The following HDAC9 variants were observed in gnomAD, a reference collection of about 807,000 sequenced individuals.
The protein encoded by HDAC9 is MEF-2 interacting transcription repressor (MITR) protein.
A neutral mutation model predicts 139.4 loss-of-function variants in HDAC9; 41 were observed. The observed-to-expected ratio is 0.29, with a 90% CI of 0.23 to 0.38. The LOEUF (loss-of-function observed/expected upper bound fraction) is 0.38. Among genes scored for constraint, HDAC9 ranks in the 10% least tolerant of loss-of-function variants. The pLI, the probability that HDAC9 is intolerant of heterozygous loss-of-function variation, is 1.00. For missense variants in HDAC9, 1,147 were observed against 1,297.0 expected (o/e 0.88, Z 1.78); for synonymous variants, 517 against 476.2 (o/e 1.09, Z -1.12).
chr7:18,306,046 C>T (rs1798886530), intron 1 of HDAC9, among the ~76,000 whole-genome samples: 1 of 152,116 alleles, frequency 6.6e-6, no homozygotes, highest in African/African-American at 2.4e-5. Flanking sequence ...GAGGAGATCC[C>T]AGGAAACTCC....
At chr7:18,121,887 A>G (rs1034574916) in intron 1 of HDAC9, among the ~76,000 whole-genome samples, 1 of 152,222 alleles carries the variant, frequency 6.6e-6, no homozygotes, top group Non-Finnish European at 1.5e-5. Context: ...AACAGTTTAC[A>G]AAGAAGAGAT....
chr7:18,497,115 C>T (rs1277753609), intron 2 of HDAC9, among the ~76,000 whole-genome samples: 1 of 152,126 alleles, frequency 6.6e-6, no homozygotes, highest in Non-Finnish European at 1.5e-5. Context: ...ACATACTCTC[C>T]AGGCAGTATC....
At chr7:18,352,608 C>A (rs978450836) in intron 1 of HDAC9, among the ~76,000 whole-genome samples, 9 of 152,028 alleles carry the variant, frequency 5.9e-5, no homozygotes, top group Non-Finnish European at 1.0e-4. Context: ...GTGAGTCATT[C>A]CCCGTTTTAA....
chr7:18,166,097 A>G (rs933750312), intron 2 of HDAC9, among the ~76,000 whole-genome samples: 5 of 152,192 alleles, frequency 3.3e-5, no homozygotes. Flanking sequence ...TTTAAATTTG[A>G]TGAATCTATT....
At chr7:18,966,105 T>C (rs1020522287) in intron 24 of HDAC9, among the ~76,000 whole-genome samples, 3 of 152,222 alleles carry the variant, frequency 2.0e-5, no homozygotes, top group Non-Finnish European at 2.9e-5. Flanking sequence ...CTTCTATCAT[T>C]GTTTCCTCTG....
At chr7:18,594,715 T>C (rs1360181182) in intron 6 of HDAC9, among the ~76,000 whole-genome samples, 2 of 152,116 alleles carry the variant, frequency 1.3e-5, no homozygotes, top group Non-Finnish European at 2.9e-5. Flanking sequence ...ATTTAATGTC[T>C]TATATGCTTT....
At chr7:18,271,441 T>A (rs1162195731) in intron 2 of HDAC9, among the ~76,000 whole-genome samples, 4 of 152,178 alleles carry the variant, frequency 2.6e-5, no homozygotes, top group Non-Finnish European at 5.9e-5. Context: ...CACCATGGTG[T>A]TGGACTGAAC....
intron 2 of HDAC9, among the ~76,000 whole-genome samples, chr7:18,526,135 T>A (rs2128225682): frequency 6.6e-6 from 1 of 152,314 alleles, no homozygotes; most frequent in South Asian, 2.1e-4. Context: ...TTGAAATAAT[T>A]TAATAAGTCT....
rs545619489 is a variant in HDAC9 at position 18,226,890 on chromosome 7, G to A, written c.25+64541G>A. Among the ~76,000 whole-genome samples the A allele has an allele frequency of 4.6e-5, 7 of 152,314 alleles. No individual in the cohort carries two copies. The East Asian group carries it at 1.4e-3, about 29-fold the overall frequency. On this transcript the variant is annotated intron_variant, in intron 2 of 12. Transcript: ENST00000417496. ...AAAGGGCAACAGAAACATTTGAAGG[G>A]TTTCAAATAGAGCGATGACAGAATC...
chr7:18,226,277 A>G (rs930776281), intron 2 of HDAC9, among the ~76,000 whole-genome samples: 1 of 152,154 alleles, frequency 6.6e-6, no homozygotes, highest in African/African-American at 2.4e-5. Context: ...TAAACCCCAG[A>G]ATCAGAGAGA....
intron 1 of HDAC9, among the ~76,000 whole-genome samples, chr7:18,103,572 A>G (rs1306964167): frequency 6.6e-6 from 1 of 152,078 alleles, no homozygotes; most frequent in Non-Finnish European, 1.5e-5. Context: ...AACAGCTTGG[A>G]GTCTTGTCTA....
At chr7:18,927,345 C>G (rs1228097635) in intron 22 of HDAC9, among the ~76,000 whole-genome samples, 1 of 152,132 alleles carries the variant, frequency 6.6e-6, no homozygotes, top group Non-Finnish European at 1.5e-5. Context: ...TCAGATTCTG[C>G]TTTGAAGTCC....
Position 18,303,462 on chromosome 7 carries a change from T to TG in HDAC9, c.-42+12949dup, listed in dbSNP as rs544396509. Among the ~76,000 whole-genome samples, 18 of 151,160 alleles carry TG rather than the reference T, an allele frequency of 1.2e-4. No individual in the cohort carries two copies. The East Asian group carries it at 3.5e-3, about 30-fold the overall frequency. ...TGGGGTTTCACCGTGTTAGCCAGGA[T>TG]GGTCTCGATATCCTGACCTTGTGAT... On this transcript the variant is annotated intron_variant, in intron 1 of 3. Coordinates refer to the HDAC9 transcript ENST00000413509.
intron 1 of HDAC9, among the ~76,000 whole-genome samples, chr7:18,160,230 C>G (rs565057356): frequency 6.6e-6 from 1 of 152,316 alleles, no homozygotes; most frequent in East Asian, 1.9e-4. Flanking sequence ...CACTTACATT[C>G]TCTAAAGGTT....
At chr7:18,831,142 T>C (rs1282526516) in intron 19 of HDAC9, among the ~76,000 whole-genome samples, 1 of 152,150 alleles carries the variant, frequency 6.6e-6, no homozygotes, top group African/African-American at 2.4e-5. Context: ...TTAGGGATCT[T>C]TTAGTGTTTA....
chr7:18,194,583 A>G (rs998061331), intron 2 of HDAC9, among the ~76,000 whole-genome samples: 1 of 152,098 alleles, frequency 6.6e-6, no homozygotes, highest in African/African-American at 2.4e-5. Flanking sequence ...AGAGATGCTA[A>G]CCCCTTTTTT....
intron 1 of HDAC9, among the ~76,000 whole-genome samples, chr7:18,292,417 G>GA (rs1298888810): frequency 6.6e-6 from 1 of 152,114 alleles, no homozygotes; most frequent in Admixed American, 6.6e-5. Flanking sequence ...TCCTGAAGAT[G>GA]AAAGTCGTCA....
At chr7:18,809,686 C>A (rs920035158) in intron 17 of HDAC9, among the ~76,000 whole-genome samples, 6 of 151,898 alleles carry the variant, frequency 4.0e-5, no homozygotes, top group Non-Finnish European at 8.8e-5. Flanking sequence ...TACCTCACAC[C>A]TGTTGGGATG....
intron 24 of HDAC9, among the ~76,000 whole-genome samples, chr7:18,973,617 G>T (rs1784381935): frequency 6.6e-6 from 1 of 152,150 alleles, no homozygotes; most frequent in Admixed American, 6.5e-5. Flanking sequence ...GGCCAATCAT[G>T]AAATATTAGA....
Sources: allele counts gnomAD v4.1 joint callset (sites outside exome capture counted in the v4.1 genomes callset), GRCh38; gene constraint gnomAD v4.1.1; transcripts MANE v1.5; gene names NCBI Gene and HGNC (gene_info 2026-07-23, HGNC 2026-07-21).